CCDC61: variants seen among roughly 807,000 people sequenced by gnomAD.
The protein encoded by CCDC61 is coiled-coil domain containing 61, also known as centrosomal protein CCDC61.
A neutral mutation model predicts 63.0 loss-of-function variants in CCDC61; 55 were observed. That is an observed-to-expected ratio of 0.87 (90% CI 0.70 to 1.09). The LOEUF (loss-of-function observed/expected upper bound fraction) is 1.09. Ranked by LOEUF, CCDC61 falls within the 50% of genes least tolerant of loss-of-function variation. The pLI, the probability that CCDC61 is intolerant of heterozygous loss-of-function variation, is 0.00. For synonymous variants in CCDC61, 270 were observed against 317.0 expected (o/e 0.85, Z 1.58); for missense variants, 651 against 731.4 (o/e 0.89, Z 1.27).
chr19:46,011,065 T>C (rs1250816671), intron 5 of CCDC61, among the ~76,000 whole-genome samples: 2 of 152,088 alleles, frequency 1.3e-5, no homozygotes, highest in Admixed American at 1.3e-4. Flanking sequence ...TCTTTCTTTT[T>C]TTTTTTTTCA....
At chr19:46,003,207 T>G in intron 2 of CCDC61, 41 bp downstream of exon 2, 5 of 1,567,626 alleles carry the variant, frequency 3.2e-6, no homozygotes, top group Middle Eastern at 1.9e-4. Context: ...TTTCCTCTCC[T>G]GGGATCAGCT....
In CCDC61 at chr19:46,008,359, C is replaced by G. The variant is rs9676886; in HGVS notation, c.551+58C>G. On this transcript the variant is annotated intron_variant, in intron 5 of 13. Transcript: ENST00000595358. ...GTGGGGGCCCTCCCATCATGCACCG[C>G]GGGGCCCATGCTCGGTCCTGTGGGG... The G allele has an allele frequency of 4.1e-5, 35 of 856,404 alleles. No individual in the cohort carries two copies. The South Asian group carries it at 4.1e-4, about 10-fold the overall frequency. The allele number at this position is 856,404 out of a possible 1,614,324, so 53.1% of individuals were successfully genotyped here. A position where few individuals can be genotyped will look rare whatever the true frequency, so the allele number is the denominator to read the frequency against.
At chr19:46,007,593 C>A (rs754541529) in intron 4 of CCDC61, among the ~76,000 whole-genome samples, 11 of 152,136 alleles carry the variant, frequency 7.2e-5, no homozygotes, top group Non-Finnish European at 4.4e-5. Flanking sequence ...GCTTTCTAGC[C>A]TTTATAGGGG....
At position 46,006,610 on chromosome 19, in the gene CCDC61, C is replaced by T. The variant is rs1378977132; in HGVS notation, c.283C>T (p.Leu95=). ...DLLTYTDLES[L]RNRKMGGRPG... is the part of the protein sequence containing the mutation. ...GCTGACCTACACAGACCTGGAGTCCCTGCGGAACCGCAAGATGGGGGGCCG... is the reference window on the plus strand; with the variant it reads ...GCTGACCTACACAGACCTGGAGTCCTTGCGGAACCGCAAGATGGGGGGCCG... The change falls in exon 4 of 14, where the codon CTG becomes TTG. Residue 95 remains leucine, a synonymous_variant. Coordinates refer to ENST00000595358, the MANE Select transcript of CCDC61 (RefSeq NM_001267723.2). The T allele has an allele frequency of 5.0e-6, 8 of 1,613,546 alleles. No individual in the cohort carries two copies. Among genetic ancestry groups the T allele is most frequent in the Non-Finnish European group, 6.8e-6 (8 of 1,179,744 alleles).
At chr19:46,007,404 C>A (rs1272010987) in intron 4 of CCDC61, among the ~76,000 whole-genome samples, 3 of 152,110 alleles carry the variant, frequency 2.0e-5, no homozygotes, top group African/African-American at 4.8e-5. Flanking sequence ...CTGCTGGATC[C>A]TCCAGACATT....
At position 46,015,925 on chromosome 19, in the gene CCDC61, C is replaced by A; in HGVS notation, c.846-129C>A. 2 of 765,260 alleles carry A rather than the reference C, an allele frequency of 2.6e-6. No homozygotes were observed. Among genetic ancestry groups the A allele is most frequent in the Non-Finnish European group, 3.5e-6 (2 of 563,386 alleles). 47.4% of individuals were successfully genotyped at this position (765,260 alleles called of 1,614,324 possible). ...GGGAAGATATCGAGAGGGTCATGGG[C>A]CCAGGAGTGCACGTCTAGGAGTTGA... On this transcript the variant is annotated intron_variant, in intron 7 of 13. Coordinates refer to ENST00000595358, the MANE Select transcript of CCDC61 (RefSeq NM_001267723.2). This position sits in a 1 kb window ranked among gnomAD's most constrained non-coding sequence, Gnocchi z 5.3.
Position 46,018,587 on chromosome 19 carries a change from T to C in CCDC61, c.*200T>C, listed in dbSNP as rs927754416. The C allele has an allele frequency of 1.8e-6, 1 of 549,462 alleles. No homozygotes were observed. Among genetic ancestry groups the C allele is most frequent in the Non-Finnish European group, 3.3e-6 (1 of 304,236 alleles). 34.0% of individuals were successfully genotyped at this position (549,462 alleles called of 1,614,324 possible). ...CATGCTGGGAGGGAGGATGTGTGCA[T>C]TTTGTAAATAAACATATTTGCCCTG... On this transcript the variant is annotated 3_prime_UTR_variant, in exon 14 of 14. Transcript: ENST00000595358. The surrounding 1 kb of genome is among the most constrained non-coding windows in gnomAD (Gnocchi z 4.2).
intron 3 of CCDC61, among the ~76,000 whole-genome samples, chr19:46,005,761 T>C (rs896269393): frequency 6.6e-6 from 1 of 152,066 alleles, no homozygotes; most frequent in African/African-American, 2.4e-5. Flanking sequence ...ATAGCCCGAG[T>C]CTAAATAACC....
Position 46,016,528 on chromosome 19 carries a change from C to G in CCDC61, c.1091+135C>G. The G allele has an allele frequency of 7.3e-7, 1 of 1,368,502 alleles. No homozygotes were observed. The highest frequency in any genetic ancestry group is 2.1e-5 in the Admixed American group (1 of 48,770). 84.8% of individuals were successfully genotyped at this position (1,368,502 alleles called of 1,614,324 possible). A position where few individuals can be genotyped will look rare whatever the true frequency, so the allele number is the denominator to read the frequency against. ...TCTCGCCGGATACCCCGCCTGCTCT[C>G]CCTTCCGTCCGTCCTACCTCCTCGT... On this transcript the variant is annotated intron_variant, in intron 9 of 13. Transcript: ENST00000595358. This position sits in a 1 kb window ranked among gnomAD's most constrained non-coding sequence, Gnocchi z 7.2.
intron 3 of CCDC61, among the ~76,000 whole-genome samples, chr19:46,003,817 ATACGTGTG>A (rs1968641081): frequency 1.7e-5 from 2 of 120,250 alleles, no homozygotes; most frequent in East Asian, 4.9e-4. Context: ...TTGTTTCCAA[ATACGTGTG>A]TGTGTGTGTG....
chr19:46,003,219 C>T lies in CCDC61; in HGVS notation c.148+53C>T. The T allele has an allele frequency of 1.9e-6, 3 of 1,549,008 alleles. 1 individual carries two copies. The South Asian group carries it at 3.7e-5, about 19-fold the overall frequency. ...ACCTTTCCTCTCCTGGGATCAGCTT[C>T]TCCCAGAATATCAGGCCACCCTGAA... On this transcript the variant is annotated intron_variant, in intron 2 of 13. Coordinates refer to ENST00000595358, the MANE Select transcript of CCDC61 (RefSeq NM_001267723.2).
rs72345627 is a variant in CCDC61 at position 45,996,430 on chromosome 19, CTT to C, written c.-12+941_-12+942del. On this transcript the variant is annotated intron_variant, in intron 1 of 13. Coordinates refer to ENST00000595358, the MANE Select transcript of CCDC61 (RefSeq NM_001267723.2). ...CTAAGATCAAGAAGCTTGGAGTGTT[CTT>C]TTTTTTTTTTTTTTGAGACAGAGTT... 1.1e-3 allele frequency: 155 copies of C among 137,848 alleles called. 1 individual carries two copies. The highest frequency in any genetic ancestry group is 4.0e-3 in the African/African-American group (149 of 37,034). 8.5% of individuals were successfully genotyped at this position (137,848 alleles called of 1,614,324 possible).
At position 46,000,970 on chromosome 19, in the gene CCDC61, G is replaced by A. The variant is rs969703189; in HGVS notation, c.-11-2038G>A. Among the ~76,000 whole-genome samples, 118 of 151,976 alleles carry A rather than the reference G, an allele frequency of 7.8e-4. 1 individual carries two copies. The highest frequency in any genetic ancestry group is 2.3e-3 in the African/African-American group (94 of 41,454). The stretch of plus-strand genomic sequence containing the variant: ...CCCTTCCTCTGTGCGGTCTCCTCCC[G>A]GGAGTTGGGGACCACGAGTGGGGGC... On this transcript the variant is annotated intron_variant, in intron 1 of 13. Transcript: ENST00000595358.
chr19:46,003,125 G>A lies in CCDC61; in HGVS notation c.107G>A (p.Arg36Gln), dbSNP rs373145203. ...GTGCTGGAGCTGGAGGTGGAGGACC[G>A]GATGACGGCTGACCAGTGGCGGGGC... ...GQVLELEVED[R>Q]MTADQWRGEF... is the part of the protein sequence containing the mutation. The change falls in exon 2 of 14, where the codon CGG becomes CAG. Residue 36 changes from arginine to glutamine, a missense_variant. Coordinates refer to ENST00000595358, the MANE Select transcript of CCDC61 (RefSeq NM_001267723.2). 1.1e-5 allele frequency: 18 copies of A among 1,613,304 alleles called. No homozygotes were observed. The highest frequency in any genetic ancestry group is 1.4e-5 in the Non-Finnish European group (17 of 1,179,710).
chr19:46,011,883 A>G (rs1968835235), intron 5 of CCDC61, among the ~76,000 whole-genome samples: 1 of 151,722 alleles, frequency 6.6e-6, no homozygotes, highest in Non-Finnish European at 1.5e-5. Context: ...GCTCACTGCA[A>G]CCTCTGCCTC....
Position 46,016,404 on chromosome 19 carries a change from C to T in CCDC61, c.1091+11C>T, listed in dbSNP as rs577031760. ...AGAGATCCAGATGAAGTCAGTGCCCCTTCCTCCCTCACCTGCCCCTGTCCC... is the reference window on the plus strand; with the variant it reads ...AGAGATCCAGATGAAGTCAGTGCCCTTTCCTCCCTCACCTGCCCCTGTCCC... On this transcript the variant is annotated intron_variant, in intron 9 of 13. Coordinates refer to ENST00000595358, the MANE Select transcript of CCDC61 (RefSeq NM_001267723.2). This position sits in a 1 kb window ranked among gnomAD's most constrained non-coding sequence, Gnocchi z 7.2. 7.4e-6 allele frequency: 12 copies of T among 1,613,232 alleles called. No individual in the cohort carries two copies. In the African/African-American group the frequency reaches 1.6e-4, roughly 21 times the overall value.
At chr19:45,995,917 C>T (rs1968483800) in intron 1 of CCDC61, among the ~76,000 whole-genome samples, 1 of 152,098 alleles carries the variant, frequency 6.6e-6, no homozygotes, top group Non-Finnish European at 1.5e-5. Context: ...GGGAAGGAGA[C>T]CTCCAGGGAT....
intron 5 of CCDC61, 94 bp downstream of exon 5, chr19:46,008,395 T>A: frequency 9.6e-7 from 1 of 1,038,244 alleles, no homozygotes. Context: ...AGGATGACTG[T>A]CCTTCGCCCA....
intron 5 of CCDC61, among the ~76,000 whole-genome samples, chr19:46,010,162 C>CT (rs1388229855): frequency 1.3e-5 from 2 of 152,214 alleles, no homozygotes; most frequent in African/African-American, 4.8e-5. Context: ...TTCTTACAGC[C>CT]TAACAGGCGG....
Sources: gnomAD v4.1 joint callset for allele counts (sites outside exome capture counted in the v4.1 genomes callset) on GRCh38, gnomAD v4.1.1 for gene constraint, Gnocchi (gnomAD v3.1) non-coding constraint, MANE v1.5 for transcripts, NCBI Gene and HGNC (gene_info 2026-07-23, HGNC 2026-07-21) for gene names.